NOTCH2: variants seen among roughly 807,000 people sequenced by gnomAD.
The protein encoded by NOTCH2 is neurogenic locus notch homolog protein 2.
Under a neutral mutation model 235.8 loss-of-function variants are expected in NOTCH2, and 29 were observed. The ratio of observed to expected loss-of-function variants is 0.12; its 90% CI spans 0.09 to 0.17. The LOEUF is 0.17. Ranked by LOEUF, NOTCH2 falls within the 10% of genes least tolerant of loss-of-function variation. The pLI is 1.00. For missense variants in NOTCH2, 2,285 were observed against 3,150.2 expected, an observed-to-expected ratio of 0.73 and a Z score of 6.57; for synonymous variants, 1,086 against 1,141.5, an observed-to-expected ratio of 0.95 and a Z score of 0.98.
intron 22 of NOTCH2, among the ~76,000 whole-genome samples, chr1:119,932,647 CTA>C (rs1553195307): frequency 1.3e-5 from 2 of 149,614 alleles, no homozygotes; most frequent in African/African-American, 4.9e-5. Context: ...ATCTATCTAT[CTA>C]TCTCAGAGAG....
In NOTCH2 at chr1:119,915,894, C is replaced by T; in HGVS notation, c.6828G>A (p.Glu2276=). The T allele has an allele frequency of 6.2e-7, 1 of 1,614,166 alleles. No individual in the cohort carries two copies. The highest frequency in any genetic ancestry group is 8.5e-7 in the Non-Finnish European group (1 of 1,180,036). Residue 2276 remains glutamate, a synonymous_variant, in exon 34 of 34, where the codon GAG becomes GAA. Coordinates refer to ENST00000256646, the MANE Select transcript of NOTCH2 (RefSeq NM_024408.4). The stretch of plus-strand genomic sequence containing the variant: ...GGGGAGCTATGCCAGGATGGGTGCC[C>T]TCAGCTGGAGCCAGGACCATACCAA... ...EMFGMVLAPA[E]GTHPGIAPQS... is the part of the protein sequence containing the mutation.
At chr1:119,954,471 C>T (rs1173532445) in intron 13 of NOTCH2, among the ~76,000 whole-genome samples, 1 of 152,186 alleles carries the variant, frequency 6.6e-6, no homozygotes, top group African/African-American at 2.4e-5. Context: ...AAGCCATATC[C>T]TATGGCAAAT....
At chr1:119,948,187 C>T (rs1298766520) in intron 17 of NOTCH2, among the ~76,000 whole-genome samples, 1 of 152,212 alleles carries the variant, frequency 6.6e-6, no homozygotes, top group Non-Finnish European at 1.5e-5. Flanking sequence ...CTCACATTTT[C>T]AATGTTCACA....
chr1:119,922,592 AC>A lies in NOTCH2; in HGVS notation c.5002+43del, dbSNP rs1016354139. On this transcript the variant is annotated intron_variant, in intron 27 of 33. Transcript: ENST00000256646. ...AATGAAAATTGTTCCCCCAATTGAC[AC>A]TCTTCCCCCGCCACCTTTCCCCTTT... 4 of 1,612,566 alleles carry A rather than the reference AC, an allele frequency of 2.5e-6. No individual in the cohort carries two copies. In the Admixed American group the frequency reaches 5.0e-5, roughly 20 times the overall value.
At position 119,924,029 on chromosome 1, in the gene NOTCH2, A is replaced by T. The variant is rs1217952429; in HGVS notation, c.4512-45T>A. 4 of 1,485,536 alleles carry T rather than the reference A, an allele frequency of 2.7e-6. No individual in the cohort carries two copies. In the South Asian group the frequency reaches 4.6e-5, roughly 17 times the overall value. The allele number at this position is 1,485,536 out of a possible 1,614,324, so 92.0% of individuals were successfully genotyped here. On this transcript the variant is annotated intron_variant, in intron 25 of 33. Transcript: ENST00000256646. ...GAACAGGCAAAAGAGCTCAGATTAG[A>T]CTGGAGCTCTATTTGCTTTTTCATT...
In NOTCH2 at chr1:119,959,420, G is replaced by A. The variant is rs2101130645; in HGVS notation, c.1998C>T (p.Tyr666=). 6.2e-7 allele frequency: 1 copy of A among 1,609,202 alleles called. No homozygotes were observed. The highest frequency in any genetic ancestry group is 8.5e-7 in the Non-Finnish European group (1 of 1,175,544). The change falls in exon 12 of 34, where the codon TAC becomes TAT. Residue 666 remains tyrosine, a synonymous_variant. Coordinates refer to ENST00000256646, the MANE Select transcript of NOTCH2 (RefSeq NM_024408.4). The part of the protein sequence containing the change: ...HGICMDGINR[Y]SCVCSPGFTG... The stretch of plus-strand genomic sequence containing the variant: ...TGAATCCTGGTGAGCAGACACAACT[G>A]TAGCGATTAATGCCATCCATACAGA...
At chr1:120,033,239 G>C in intron 1 of NOTCH2, among the ~76,000 whole-genome samples, 1 of 20,286 alleles carries the variant, frequency 4.9e-5, no homozygotes, top group Non-Finnish European at 1.4e-4. Flanking sequence ...GCCTGGCCAA[G>C]ATGATGAAAC....
In NOTCH2 at chr1:119,912,521, T is replaced by C. The variant is rs1172994414; in HGVS notation, c.*2785A>G. 3 of 233,154 alleles carry C rather than the reference T, an allele frequency of 1.3e-5. No individual in the cohort carries two copies. The highest frequency in any genetic ancestry group is 1.8e-4 in the South Asian group (1 of 5,524). 14.4% of individuals were successfully genotyped at this position (233,154 alleles called of 1,614,324 possible). On this transcript the variant is annotated 3_prime_UTR_variant, in exon 34 of 34. Coordinates refer to ENST00000256646, the MANE Select transcript of NOTCH2 (RefSeq NM_024408.4). Reference sequence around the variant, plus strand: ...TCTCAGACTCTCTTTCCCTCATACCTTTCCCTTCCCCACCTCACATAAGAA... The same window carrying C: ...TCTCAGACTCTCTTTCCCTCATACCCTTCCCTTCCCCACCTCACATAAGAA...
chr1:120,064,840 AT>A (rs1244480563), intron 1 of NOTCH2, among the ~76,000 whole-genome samples: 1 of 150,744 alleles, frequency 6.6e-6, no homozygotes, highest in Non-Finnish European at 1.5e-5. Context: ...AATGAAAAAA[AT>A]CTCAAAAAAA....
At chr1:119,973,633 C>T (rs1235507710) in intron 5 of NOTCH2, among the ~76,000 whole-genome samples, 4 of 151,970 alleles carry the variant, frequency 2.6e-5, no homozygotes, top group African/African-American at 9.7e-5. Context: ...TCTTACAGCA[C>T]CCTGAGAAGG....
Position 120,012,125 on chromosome 1 carries a change from C to T in NOTCH2, c.156-6537G>A, listed in dbSNP as rs587667199. Among the ~76,000 whole-genome samples, 45 of 129,114 alleles carry T rather than the reference C, an allele frequency of 3.5e-4. 1 individual carries two copies. The South Asian group carries it at 0.013, about 37-fold the overall frequency. 84.7% of individuals were successfully genotyped at this position (129,114 alleles called of 152,430 possible). On this transcript the variant is annotated intron_variant, in intron 2 of 33. Transcript: ENST00000256646. ...TCAACACTAGGCTATCCTGCCTCCC[C>T]ATCACTGGATGACTCCAGTTCATCA... is the stretch of plus-strand genomic sequence containing the variant.
chr1:119,985,615 C>G (rs1235822957), intron 5 of NOTCH2, among the ~76,000 whole-genome samples: 1 of 152,078 alleles, frequency 6.6e-6, no homozygotes, highest in Non-Finnish European at 1.5e-5. Context: ...AGGGAGAGAT[C>G]AGAATGTGGT....
At chr1:119,980,840 A>C (rs1651785439) in intron 5 of NOTCH2, among the ~76,000 whole-genome samples, 1 of 152,312 alleles carries the variant, frequency 6.6e-6, no homozygotes, top group East Asian at 1.9e-4. Context: ...AGTTGAGTTC[A>C]GGGCAAGCTT....
intron 1 of NOTCH2, among the ~76,000 whole-genome samples, chr1:120,065,864 T>C (rs1404021730): frequency 2.6e-5 from 4 of 152,122 alleles, no homozygotes; most frequent in African/African-American, 9.7e-5. Flanking sequence ...AAAGGAAGCA[T>C]GTAACTATGG....
At chr1:119,959,639 CA>C (rs1650861312) in intron 11 of NOTCH2, 137 bp from the exon 12 acceptor site, 6 of 697,976 alleles carry the variant, frequency 8.6e-6, no homozygotes, top group Admixed American at 8.1e-5. Context: ...CAGAAGTTCT[CA>C]AAATGCAGTC....
At chr1:120,039,280 T>A (rs1654448666) in intron 1 of NOTCH2, among the ~76,000 whole-genome samples, 1 of 152,340 alleles carries the variant, frequency 6.6e-6, no homozygotes, top group South Asian at 2.1e-4. Context: ...GAATATGAAG[T>A]GTTATTCCAT....
chr1:119,920,510 C>G, intron 29 of NOTCH2, 113 bp from the exon 30 acceptor site: 2 of 1,175,304 alleles, frequency 1.7e-6, no homozygotes, highest in Non-Finnish European at 2.5e-6. Context: ...TTTCTCTCTT[C>G]CTACTCCTCC....
At chr1:119,977,247 A>G (rs587702158) in intron 5 of NOTCH2, among the ~76,000 whole-genome samples, 1 of 152,202 alleles carries the variant, frequency 6.6e-6, no homozygotes, top group South Asian at 2.1e-4. Flanking sequence ...TCTCATAGCA[A>G]CAGTATCTCT....
chr1:119,915,440 A>T lies in NOTCH2; in HGVS notation c.7282T>A (p.Ser2428Thr). 6.2e-7 allele frequency: 1 copy of T among 1,614,154 alleles called. No individual in the cohort carries two copies. Among genetic ancestry groups the T allele is most frequent in the South Asian group, 1.1e-5 (1 of 91,082 alleles). ...CAGTCAGAAGCAGAGTGGGGTGATG[A>T]ACTTGACCACTGGTCAGGAGACTCT... ...SPESPDQWSS[S>T]SPHSASDWSD... The change falls in exon 34 of 34, where the codon TCA (serine) becomes ACA (threonine). Residue 2428 changes from serine to threonine, a missense_variant. Physicochemically the swap from Ser to Thr is moderately conservative, Grantham distance 58. Coordinates refer to ENST00000256646, the MANE Select transcript of NOTCH2 (RefSeq NM_024408.4).
Sources: allele counts gnomAD v4.1 joint callset (sites outside exome capture counted in the v4.1 genomes callset), GRCh38; gene constraint gnomAD v4.1.1; transcripts MANE v1.5; gene names NCBI Gene and HGNC (gene_info 2026-07-23, HGNC 2026-07-21).